The following ERBB4 variants were observed in gnomAD, a reference collection of about 807,000 sequenced individuals.
The protein encoded by ERBB4 is receptor tyrosine-protein kinase erbB-4.
ERBB4 carries 42 observed loss-of-function variants against 158.0 expected under a neutral mutation model. The ratio of observed to expected loss-of-function variants is 0.27; its 90% CI spans 0.21 to 0.34. ERBB4 has a LOEUF of 0.34. Ranked by LOEUF, ERBB4 falls within the 10% of genes least tolerant of loss-of-function variation. ERBB4 has a pLI of 1.00. For missense variants in ERBB4, 1,333 were observed against 1,624.1 expected (o/e 0.82, Z 3.08); for synonymous variants, 583 against 558.7 (o/e 1.04, Z -0.61).
intron 6 of ERBB4, among the ~76,000 whole-genome samples, chr2:211,723,027 G>T (rs1456794945): frequency 6.6e-6 from 1 of 152,180 alleles, no homozygotes; most frequent in South Asian, 2.1e-4. Context: ...AAAGGCTCTG[G>T]CTGGTGACTA....
intron 20 of ERBB4, among the ~76,000 whole-genome samples, chr2:211,454,520 T>A (rs1209281423): frequency 6.6e-6 from 1 of 152,202 alleles, no homozygotes; most frequent in African/African-American, 2.4e-5. Flanking sequence ...CCTCAAACAT[T>A]AAGACTGCTA....
chr2:211,383,329 C>T lies in ERBB4; in HGVS notation c.*286G>A. The T allele has an allele frequency of 2.7e-6, 1 of 373,374 alleles. No individual in the cohort carries two copies. The highest frequency in any genetic ancestry group is 4.9e-6 in the Non-Finnish European group (1 of 204,652). The allele number at this position is 373,374 out of a possible 1,614,324, so 23.1% of individuals were successfully genotyped here. Reference sequence around the variant, plus strand: ...AAGTGACAGCTAGTTTGATAGTAGGCAGCATTGCCTTACATTTTCTGGTCC... The same window carrying T: ...AAGTGACAGCTAGTTTGATAGTAGGTAGCATTGCCTTACATTTTCTGGTCC... On this transcript the variant is annotated 3_prime_UTR_variant, in exon 28 of 28. Transcript: ENST00000342788.
At chr2:212,406,143 G>A (rs1217818872) in intron 1 of ERBB4, among the ~76,000 whole-genome samples, 1 of 152,010 alleles carries the variant, frequency 6.6e-6, no homozygotes, top group African/African-American at 2.4e-5. Flanking sequence ...TATTCCCATA[G>A]TATGGCCAAT....
At chr2:211,851,761 T>C (rs945452178) in intron 3 of ERBB4, among the ~76,000 whole-genome samples, 1 of 151,890 alleles carries the variant, frequency 6.6e-6, no homozygotes, top group Non-Finnish European at 1.5e-5. Flanking sequence ...AAATAAGAGA[T>C]ATATGCATTG....
chr2:212,182,433 C>T (rs2081896485), intron 1 of ERBB4, among the ~76,000 whole-genome samples: 1 of 151,734 alleles, frequency 6.6e-6, no homozygotes, highest in Non-Finnish European at 1.5e-5. Flanking sequence ...AATAAGCATG[C>T]CAGTACCCAC....
intron 1 of ERBB4, among the ~76,000 whole-genome samples, chr2:212,513,540 T>C (rs1294584719): frequency 6.6e-6 from 1 of 152,154 alleles, no homozygotes; most frequent in Non-Finnish European, 1.5e-5. Context: ...AGGCCTGGCG[T>C]GGTGGCTCAC....
At chr2:212,007,387 G>A (rs188350826) in intron 2 of ERBB4, among the ~76,000 whole-genome samples, 23 of 151,554 alleles carry the variant, frequency 1.5e-4, no homozygotes, top group Non-Finnish European at 2.7e-4. Flanking sequence ...TGTTCATTAC[G>A]ATACCATAAA....
intron 2 of ERBB4, among the ~76,000 whole-genome samples, chr2:212,124,143 AAATAAT>A (rs1050195856): frequency 1.3e-5 from 2 of 150,026 alleles, no homozygotes; most frequent in Non-Finnish European, 3.0e-5. Flanking sequence ...TGAAAGCAAA[AAATAAT>A]AATAATAATT....
intron 1 of ERBB4, among the ~76,000 whole-genome samples, chr2:212,317,330 G>A (rs1418479247): frequency 6.6e-5 from 10 of 151,498 alleles, no homozygotes; most frequent in South Asian, 4.1e-4. Flanking sequence ...ATATTACATC[G>A]ATTAAAGAAT....
At chr2:212,290,547 T>C (rs1355273048) in intron 1 of ERBB4, among the ~76,000 whole-genome samples, 1 of 152,176 alleles carries the variant, frequency 6.6e-6, no homozygotes, top group Non-Finnish European at 1.5e-5. Flanking sequence ...ACATAGCTAA[T>C]TAGTGAAAGA....
intron 3 of ERBB4, among the ~76,000 whole-genome samples, chr2:211,858,374 A>C (rs2077925980): frequency 6.6e-6 from 1 of 152,234 alleles, no homozygotes; most frequent in South Asian, 2.1e-4. Flanking sequence ...TTGACATATA[A>C]AAGTATATTC....
intron 16 of ERBB4, among the ~76,000 whole-genome samples, chr2:211,635,749 C>G (rs1399255391): frequency 6.6e-6 from 1 of 152,030 alleles, no homozygotes; most frequent in Admixed American, 6.6e-5. Flanking sequence ...ATTGGCGAAA[C>G]TGGTATTTTG....
In ERBB4 at chr2:211,509,750, A is replaced by G. The variant is rs115491994; in HGVS notation, c.2487+52153T>C. Among the ~76,000 whole-genome samples, 472 of 152,274 alleles carry G rather than the reference A, an allele frequency of 3.1e-3. 4 individuals are homozygous for G. Among genetic ancestry groups the G allele is most frequent in the African/African-American group, 0.011 (444 of 41,570 alleles). ...AATGAACTCAAACAACTCAACAAGA[A>G]AAATAACCAAACCCATTAAAAAGTG... On this transcript the variant is annotated intron_variant, in intron 20 of 27. Transcript: ENST00000342788.
At chr2:211,571,041 C>CTTTTTTTTTTTTTTTTTTTTTTTTTTT (rs549254649) in intron 19 of ERBB4, among the ~76,000 whole-genome samples, 1 of 109,078 alleles carries the variant, frequency 9.2e-6, no homozygotes, top group African/African-American at 3.6e-5. Flanking sequence ...TACTCTTCTT[C>CTTTTTTTTTTTTTTTTTTTTTTTTTTT]TTTTTTTTTT....
intron 1 of ERBB4, among the ~76,000 whole-genome samples, chr2:212,277,781 C>A (rs1380629328): frequency 1.3e-5 from 2 of 151,668 alleles, no homozygotes; most frequent in African/African-American, 4.8e-5. Context: ...ATTATTAGAA[C>A]AGGACGTGGT....
At position 212,503,001 on chromosome 2, in the gene ERBB4, G is replaced by A. The variant is rs376013729; in HGVS notation, c.82+35448C>T. 4.6e-5 allele frequency among the ~76,000 whole-genome samples: 7 copies of A among 152,224 alleles called. No homozygotes were observed. In the South Asian group the frequency reaches 8.3e-4, roughly 18 times the overall value. On this transcript the variant is annotated intron_variant, in intron 1 of 27. Transcript: ENST00000342788. Reference sequence around the variant, plus strand: ...TGGTCTCTAACTCCTGGGCTCATGTGATCCACCCACCTCAACCTCCCAAAA... The same window carrying A: ...TGGTCTCTAACTCCTGGGCTCATGTAATCCACCCACCTCAACCTCCCAAAA...
rs138247045 is a variant in ERBB4 at position 211,892,660 on chromosome 2, C to G, written c.421+54770G>C. Among the ~76,000 whole-genome samples, 1,251 of 145,416 alleles carry G rather than the reference C, an allele frequency of 8.6e-3. 113 individuals are homozygous for G. The highest frequency in any genetic ancestry group is 0.017 in the Middle Eastern group (5 of 290). On this transcript the variant is annotated intron_variant, in intron 3 of 27. Transcript: ENST00000342788. ...TGACGTGATTGTATATCTAGAAAAC[C>G]CCATTGTTTCAGCCCAAAATCTCCT...
At chr2:212,216,658 T>C (rs2083108872) in intron 1 of ERBB4, among the ~76,000 whole-genome samples, 1 of 151,432 alleles carries the variant, frequency 6.6e-6, no homozygotes, top group Non-Finnish European at 1.5e-5. Flanking sequence ...TGAACTCAAA[T>C]ATGAGTGTCA....
chr2:212,304,510 T>C (rs2086736912), intron 1 of ERBB4, among the ~76,000 whole-genome samples: 1 of 151,482 alleles, frequency 6.6e-6, no homozygotes, highest in Non-Finnish European at 1.5e-5. Context: ...AGAGACTTAT[T>C]TCTACCAATC....
Sources: allele counts gnomAD v4.1 joint callset (sites outside exome capture counted in the v4.1 genomes callset), GRCh38; gene constraint gnomAD v4.1.1; transcripts MANE v1.5; gene names NCBI Gene and HGNC (gene_info 2026-07-23, HGNC 2026-07-21).